The following PLEKHA5 variants were observed in gnomAD, a reference collection of about 807,000 sequenced individuals.
PLEKHA5 encodes the protein pleckstrin homology domain-containing family A member 5.
In PLEKHA5, 55 loss-of-function variants were observed where a neutral mutation model predicts 181.9. The ratio of observed to expected loss-of-function variants is 0.30; its 90% CI spans 0.24 to 0.38. PLEKHA5 has a LOEUF of 0.38. Ranked by LOEUF, PLEKHA5 falls within the 10% of genes least tolerant of loss-of-function variation. The pLI is 1.00. For missense variants in PLEKHA5, 1,432 were observed against 1,549.5 expected, an observed-to-expected ratio of 0.92 and a Z score of 1.27; for synonymous variants, 535 against 529.4, an observed-to-expected ratio of 1.01 and a Z score of -0.15.
In PLEKHA5 at chr12:19,204,353, A is replaced by G. The variant is rs1310690821; in HGVS notation, c.228-49587A>G. ...GTTCAAACACTTCCTATTTTTGCTCATCTACCCAAGGTGAAAGTGGAAAGT... is the reference window on the plus strand; with the variant it reads ...GTTCAAACACTTCCTATTTTTGCTCGTCTACCCAAGGTGAAAGTGGAAAGT... On this transcript the variant is annotated intron_variant, in intron 3 of 31. Transcript: ENST00000429027. Among the ~76,000 whole-genome samples, 3 of 152,110 alleles carry G rather than the reference A, an allele frequency of 2.0e-5. No individual in the cohort carries two copies. In the South Asian group the frequency reaches 6.2e-4, roughly 32 times the overall value.
intron 15 of PLEKHA5, among the ~76,000 whole-genome samples, chr12:19,298,683 T>C (rs2080615436): frequency 6.6e-6 from 1 of 152,032 alleles, no homozygotes; most frequent in Admixed American, 6.6e-5. Flanking sequence ...GCTTGTCATC[T>C]TTATCCCTCA....
At chr12:19,310,526 C>G (rs908840075) in intron 15 of PLEKHA5, among the ~76,000 whole-genome samples, 18 of 148,942 alleles carry the variant, frequency 1.2e-4, no homozygotes, top group African/African-American at 4.4e-4. Flanking sequence ...AGGAAAATTG[C>G]TTGAACTCGG....
intron 3 of PLEKHA5, among the ~76,000 whole-genome samples, chr12:19,226,570 G>A (rs972858721): frequency 6.6e-6 from 1 of 152,136 alleles, no homozygotes; most frequent in Non-Finnish European, 1.5e-5. Flanking sequence ...TATTTATGCT[G>A]AGATCCTGAA....
At chr12:19,158,103 A>G (rs2042170180) in intron 3 of PLEKHA5, among the ~76,000 whole-genome samples, 1 of 152,152 alleles carries the variant, frequency 6.6e-6, no homozygotes, top group Non-Finnish European at 1.5e-5. Flanking sequence ...CTGTAATGCT[A>G]GCACTTTGGG....
At position 19,227,390 on chromosome 12, in the gene PLEKHA5, C is replaced by T. The variant is rs374457921; in HGVS notation, c.228-26550C>T. The stretch of plus-strand genomic sequence containing the variant: ...TGTAGAGTTAATCCTGTTCCCCATG[C>T]CAGTAATTGGTTTAAGCTGAAGAGC... On this transcript the variant is annotated intron_variant, in intron 3 of 31. Coordinates refer to ENST00000429027, the MANE Select transcript of PLEKHA5 (RefSeq NM_001256470.2). Among the ~76,000 whole-genome samples, 7 of 151,792 alleles carry T rather than the reference C, an allele frequency of 4.6e-5. No individual in the cohort carries two copies. The South Asian group carries it at 1.5e-3, about 32-fold the overall frequency.
At chr12:19,132,957 C>T (rs1437955874) in intron 3 of PLEKHA5, among the ~76,000 whole-genome samples, 12 of 131,974 alleles carry the variant, frequency 9.1e-5, no homozygotes, top group Non-Finnish European at 1.4e-4. Flanking sequence ...GAACCTTGTT[C>T]ATGTATATTT....
intron 3 of PLEKHA5, among the ~76,000 whole-genome samples, chr12:19,242,925 G>T (rs1049661845): frequency 6.6e-6 from 1 of 152,168 alleles, no homozygotes; most frequent in Non-Finnish European, 1.5e-5. Flanking sequence ...AGGTAATTTT[G>T]TCTGAACAGC....
rs368029443 is a variant in PLEKHA5 at position 19,316,806 on chromosome 12, A to C, written c.2118+1912A>C. Among the ~76,000 whole-genome samples the C allele has an allele frequency of 2.6e-5, 4 of 152,132 alleles. No individual in the cohort carries two copies. In the East Asian group the frequency reaches 5.8e-4, roughly 22 times the overall value. On this transcript the variant is annotated intron_variant, in intron 16 of 31. Transcript: ENST00000429027. ...TTTGCACAAACTGAAATTATATTTT[A>C]TTTTTCTCCAGGTTTCCCTCATCAT...
At chr12:19,345,061 A>G (rs1410914958) in intron 22 of PLEKHA5, among the ~76,000 whole-genome samples, 1 of 151,950 alleles carries the variant, frequency 6.6e-6, no homozygotes, top group African/African-American at 2.4e-5. Flanking sequence ...GGCAGAGATC[A>G]CGCCACTGCA....
intron 3 of PLEKHA5, among the ~76,000 whole-genome samples, chr12:19,145,203 A>G (rs2038579983): frequency 6.6e-6 from 1 of 152,078 alleles, no homozygotes; most frequent in Non-Finnish European, 1.5e-5. Context: ...AGAGAGAGAG[A>G]GACAGAGATT....
intron 3 of PLEKHA5, among the ~76,000 whole-genome samples, chr12:19,140,372 A>G (rs1221179026): frequency 6.6e-6 from 1 of 152,190 alleles, no homozygotes; most frequent in African/African-American, 2.4e-5. Context: ...TACTGAAATC[A>G]GTGGGTCCAG....
intron 3 of PLEKHA5, among the ~76,000 whole-genome samples, chr12:19,174,922 T>C (rs986307905): frequency 2.0e-5 from 3 of 152,218 alleles, no homozygotes; most frequent in Non-Finnish European, 2.9e-5. Flanking sequence ...TCTTCAAAAT[T>C]GTTTTGTAGT....
intron 3 of PLEKHA5, among the ~76,000 whole-genome samples, chr12:19,173,000 C>CCTTT (rs2046287870): frequency 1.5e-5 from 1 of 64,602 alleles, no homozygotes; most frequent in Non-Finnish European, 4.0e-5. Context: ...TACTGATTTC[C>CCTTT]CTTTCTTTTT....
intron 25 of PLEKHA5, among the ~76,000 whole-genome samples, chr12:19,352,896 C>T (rs1469169462): frequency 2.0e-5 from 3 of 150,894 alleles, no homozygotes; most frequent in Non-Finnish European, 4.4e-5. Context: ...GATCCTCTCA[C>T]CTCAGCCTCC....
chr12:19,331,652 G>A (rs933659401), intron 20 of PLEKHA5, among the ~76,000 whole-genome samples: 3 of 152,056 alleles, frequency 2.0e-5, no homozygotes, highest in South Asian at 2.1e-4. Context: ...GCCAAGTCTT[G>A]TCTCAGTACA....
chr12:19,163,429 G>C (rs367775502), intron 3 of PLEKHA5, among the ~76,000 whole-genome samples: 1 of 151,944 alleles, frequency 6.6e-6, no homozygotes, highest in Admixed American at 6.6e-5. Flanking sequence ...CGCCCACCTC[G>C]GCCTACCAAA....
Position 19,336,583 on chromosome 12 carries a change from G to A in PLEKHA5, c.2517G>A (p.Met839Ile). 2 of 1,603,282 alleles carry A rather than the reference G, an allele frequency of 1.2e-6. No homozygotes were observed. The highest frequency in any genetic ancestry group is 1.7e-6 in the Non-Finnish European group (2 of 1,171,026). ...EYDVTVTRNQ[M>I]QEQLDHLGEV... Reference sequence around the variant, plus strand: ...ATGTAACTGTTACCAGGAACCAGATGCAAGAGCAGCTGGATCACCTTGGTG... The same window carrying A: ...ATGTAACTGTTACCAGGAACCAGATACAAGAGCAGCTGGATCACCTTGGTG... Residue 839 changes from methionine to isoleucine, a missense_variant, in exon 21 of 32, where the codon ATG (methionine) becomes ATA (isoleucine). Transcript: ENST00000429027.
intron 7 of PLEKHA5, among the ~76,000 whole-genome samples, chr12:19,262,278 G>T (rs1427477419): frequency 1.3e-5 from 2 of 152,146 alleles, no homozygotes; most frequent in African/African-American, 4.8e-5. Context: ...CTGTTGCCCA[G>T]GCTGGAGTGC....
In PLEKHA5 at chr12:19,274,736, C is replaced by CCATCT; in HGVS notation, c.1067_1071dup (p.Glu358HisfsTer22). 1 of 1,613,868 alleles carries CCATCT rather than the reference C, an allele frequency of 6.2e-7. No homozygotes were observed. The highest frequency in any genetic ancestry group is 8.5e-7 in the Non-Finnish European group (1 of 1,179,758). On this transcript the variant is annotated frameshift_variant, in exon 11 of 32. Transcript: ENST00000429027. LOFTEE classifies it high-confidence loss of function. ...TAATAGTGTAAAGCTGAATTCTCTG[C>CCATCT]CATCTGAATATGAGAGTGGGTCAGC...
Sources: gnomAD v4.1 joint callset for allele counts (sites outside exome capture counted in the v4.1 genomes callset) on GRCh38, gnomAD v4.1.1 for gene constraint, MANE v1.5 for transcripts, NCBI Gene and HGNC (gene_info 2026-07-23, HGNC 2026-07-21) for gene names.